Variants in ITGAD observed in about 807,000 individuals in gnomAD.
ITGAD encodes the protein integrin subunit alpha D, also known as integrin alpha-D.
In ITGAD, 105 loss-of-function variants were observed where a neutral mutation model predicts 139.0. The ratio of observed to expected loss-of-function variants is 0.76; its 90% CI spans 0.65 to 0.89. The LOEUF is 0.89. ITGAD is among the 40% of genes least tolerant of loss of function. The pLI is 0.00. For synonymous variants in ITGAD, 569 were observed against 598.3 expected, an observed-to-expected ratio of 0.95 and a Z score of 0.71; for missense variants, 1,384 against 1,487.3, an observed-to-expected ratio of 0.93 and a Z score of 1.14.
rs2081465751 is a variant in ITGAD at position 31,403,679 on chromosome 16, CT to C, written c.704+35del. 6.2e-7 allele frequency: 1 copy of C among 1,612,874 alleles called. No individual in the cohort carries two copies. Among genetic ancestry groups the C allele is most frequent in the African/African-American group, 1.3e-5 (1 of 74,916 alleles). ...CCCCGACCCCAGCCTGGCGATGTGA[CT>C]GCCACCCCCACTTCCTAACCCTGGG... On this transcript the variant is annotated intron_variant, in intron 7 of 29. Coordinates refer to ENST00000389202, the MANE Select transcript of ITGAD (RefSeq NM_005353.3). The surrounding 1 kb of genome is among the most constrained non-coding windows in gnomAD (Gnocchi z 4.4).
intron 28 of ITGAD, 25 bp from the exon 29 acceptor site, chr16:31,424,442 G>A: frequency 1.3e-5 from 21 of 1,576,640 alleles, no homozygotes; most frequent in Non-Finnish European, 1.7e-5. Context: ...GCATGAGGCC[G>A]GATGCTCTCT....
chr16:31,398,667 A>T (rs2081333330), intron 5 of ITGAD, among the ~76,000 whole-genome samples: 1 of 151,792 alleles, frequency 6.6e-6, no homozygotes, highest in African/African-American at 2.4e-5. Context: ...ATGTTTTTGT[A>T]GAGATGGGGG....
Position 31,416,235 on chromosome 16 carries a change from G to A in ITGAD, c.2306G>A (p.Gly769Glu), listed in dbSNP as rs200548207. ...TASLPFEKNC[G>E]QDGLCEGDLG... The stretch of plus-strand genomic sequence containing the variant: ...CAGCTCCCCTTCGAGAAGAACTGTG[G>A]GCAAGATGGCCTCTGTGAAGGGGAC... Residue 769 changes from glycine (G) to glutamate (E), a missense_variant, in exon 19 of 30, where the codon GGG becomes GAG. Gly to Glu is a moderately conservative substitution (Grantham distance 98, BLOSUM62 -2). Coordinates refer to ENST00000389202, the MANE Select transcript of ITGAD (RefSeq NM_005353.3). The A allele has an allele frequency of 1.1e-5, 17 of 1,606,938 alleles. No individual in the cohort carries two copies. In the Admixed American group the frequency reaches 1.8e-4, roughly 17 times the overall value.
intron 28 of ITGAD, 101 bp downstream of exon 28, chr16:31,424,304 T>C: frequency 7.0e-7 from 1 of 1,431,656 alleles, no homozygotes; most frequent in Non-Finnish European, 9.8e-7. Context: ...GGGAGGAGGG[T>C]GAAAGTCTCT....
chr16:31,420,353 A>T (rs1462055908), intron 23 of ITGAD, among the ~76,000 whole-genome samples: 1 of 151,198 alleles, frequency 6.6e-6, no homozygotes, highest in Non-Finnish European at 1.5e-5. Context: ...CATCCCATAC[A>T]CTGGGCTGAA....
intron 23 of ITGAD, among the ~76,000 whole-genome samples, chr16:31,419,023 CAAAA>C (rs34885660): frequency 2.2e-5 from 2 of 89,966 alleles, no homozygotes; most frequent in Admixed American, 1.3e-4. Flanking sequence ...GACTCTGTCT[CAAAA>C]AAAAAAAAAA....
chr16:31,398,257 T>A (rs1597107399), intron 5 of ITGAD, among the ~76,000 whole-genome samples: 1 of 148,956 alleles, frequency 6.7e-6, no homozygotes, highest in African/African-American at 2.5e-5. Context: ...CTACTAAAAA[T>A]ACAAAACAAA....
intron 2 of ITGAD, among the ~76,000 whole-genome samples, chr16:31,395,563 C>T (rs527720951): frequency 2.0e-5 from 3 of 152,244 alleles, no homozygotes; most frequent in Non-Finnish European, 2.9e-5. Flanking sequence ...AAATAAAAAA[C>T]GTCAGGACAG....
intron 6 of ITGAD, chr16:31,402,996 C>T (rs1276167747): frequency 1.3e-5 from 2 of 152,360 alleles, no homozygotes; most frequent in African/African-American, 4.8e-5. Context: ...TTGTGGTTGG[C>T]AAAGTTATTT....
intron 12 of ITGAD, 92 bp from the exon 13 acceptor site, chr16:31,410,984 A>G (rs2081686957): frequency 3.8e-6 from 6 of 1,599,190 alleles, no homozygotes; most frequent in East Asian, 2.2e-5. Context: ...GGGCCTTGGG[A>G]GAGGTCCTGG....
intron 5 of ITGAD, among the ~76,000 whole-genome samples, chr16:31,400,191 G>A (rs1234276391): frequency 2.0e-5 from 3 of 152,206 alleles, no homozygotes; most frequent in African/African-American, 4.8e-5. Context: ...GGGAGCTCCT[G>A]GGGGGATCTG....
chr16:31,398,013 C>A, intron 5 of ITGAD, 104 bp downstream of exon 5: 1 of 804,704 alleles, frequency 1.2e-6, no homozygotes, highest in Non-Finnish European at 2.0e-6. Flanking sequence ...CCTGGAGGGC[C>A]GAGTGTGGCT....
At position 31,414,624 on chromosome 16, in the gene ITGAD, G is replaced by A; in HGVS notation, c.2151+19G>A. The stretch of plus-strand genomic sequence containing the variant: ...TTTGCCAGTGAGGACTTTGGGTTCT[G>A]GGAAGGGGGAGAGAGGAGGAGCCCA... On this transcript the variant is annotated intron_variant, in intron 17 of 29. Coordinates refer to ENST00000389202, the MANE Select transcript of ITGAD (RefSeq NM_005353.3). 2 of 1,613,544 alleles carry A rather than the reference G, an allele frequency of 1.2e-6. No individual in the cohort carries two copies. The highest frequency in any genetic ancestry group is 8.5e-7 in the Non-Finnish European group (1 of 1,179,554).
rs1289580160 is a variant in ITGAD at position 31,403,267 on chromosome 16, A to G, written c.559-233A>G. The G allele has an allele frequency of 4.4e-6, 2 of 453,760 alleles. No individual in the cohort carries two copies. The highest frequency in any genetic ancestry group is 7.9e-6 in the Non-Finnish European group (2 of 253,418). The allele number at this position is 453,760 out of a possible 1,614,324, so 28.1% of individuals were successfully genotyped here. The stretch of plus-strand genomic sequence containing the variant: ...GGTGGGAGTATTGCTTGAGGCCAAG[A>G]GTTCGAGACCAGCCTGGGCAACATA... On this transcript the variant is annotated intron_variant, in intron 6 of 29. Coordinates refer to ENST00000389202, the MANE Select transcript of ITGAD (RefSeq NM_005353.3). This position sits in a 1 kb window ranked among gnomAD's most constrained non-coding sequence, Gnocchi z 4.4.
Position 31,411,169 on chromosome 16 carries a change from G to A in ITGAD, c.1450G>A (p.Glu484Lys), listed in dbSNP as rs201101132. ...LILIGAPHYYEQTRGGQVSVC... is the reference protein window; with the variant it reads ...LILIGAPHYYKQTRGGQVSVC... ...CCTCATTGGGGCCCCCCATTACTATGAGCAGACCCGAGGGGGCCAGGTGTC... is the reference window on the plus strand; with the variant it reads ...CCTCATTGGGGCCCCCCATTACTATAAGCAGACCCGAGGGGGCCAGGTGTC... The change falls in exon 13 of 30, where the codon GAG becomes AAG. Residue 484 changes from glutamate to lysine, a missense_variant. Coordinates refer to ENST00000389202, the MANE Select transcript of ITGAD (RefSeq NM_005353.3). The A allele has an allele frequency of 1.9e-6, 3 of 1,613,996 alleles. No individual in the cohort carries two copies. Among genetic ancestry groups the A allele is most frequent in the Non-Finnish European group, 1.7e-6 (2 of 1,179,940 alleles).
In ITGAD at chr16:31,410,596, G is replaced by T. The variant is rs1030291588; in HGVS notation, c.1213+72G>T. ...AGGGTGGGGTCCAGGGTTCTGGGGA[G>T]GGGGGATGGGCGCTGTGCTGCCTGG... On this transcript the variant is annotated intron_variant, in intron 11 of 29. Coordinates refer to ENST00000389202, the MANE Select transcript of ITGAD (RefSeq NM_005353.3). The T allele has an allele frequency of 5.0e-6, 8 of 1,601,192 alleles. No individual in the cohort carries two copies. In the African/African-American group the frequency reaches 1.1e-4, roughly 22 times the overall value.
intron 5 of ITGAD, 53 bp downstream of exon 5, chr16:31,397,962 G>A: frequency 7.5e-7 from 1 of 1,331,974 alleles, no homozygotes; most frequent in African/African-American, 1.4e-5. Context: ...GGCACTGAGG[G>A]TGAGCAGGCG....
At position 31,403,326 on chromosome 16, in the gene ITGAD, A is replaced by G. The variant is rs983177721; in HGVS notation, c.559-174A>G. 58 of 721,620 alleles carry G rather than the reference A, an allele frequency of 8.0e-5. No homozygotes were observed. Among genetic ancestry groups the G allele is most frequent in the Admixed American group, 8.3e-5 (3 of 36,098 alleles). The allele number at this position is 721,620 out of a possible 1,614,324, so 44.7% of individuals were successfully genotyped here. On this transcript the variant is annotated intron_variant, in intron 6 of 29. Transcript: ENST00000389202. The surrounding 1 kb of genome is among the most constrained non-coding windows in gnomAD (Gnocchi z 4.4). Reference sequence around the variant, plus strand: ...TTGTCTCTACCAAAAACAAAACAAAACAAAAAACAAAGCCAGGCATGTGAC... The same window carrying G: ...TTGTCTCTACCAAAAACAAAACAAAGCAAAAAACAAAGCCAGGCATGTGAC...
chr16:31,413,559 A>G (rs1021249021), intron 16 of ITGAD, among the ~76,000 whole-genome samples: 1 of 151,516 alleles, frequency 6.6e-6, no homozygotes, highest in Non-Finnish European at 1.5e-5. Context: ...GCACCCTCCC[A>G]CCCATTTTCC....
Sources: gnomAD v4.1 joint callset for allele counts (sites outside exome capture counted in the v4.1 genomes callset) on GRCh38, gnomAD v4.1.1 for gene constraint, Gnocchi (gnomAD v3.1) non-coding constraint, MANE v1.5 for transcripts, NCBI Gene and HGNC (gene_info 2026-07-23, HGNC 2026-07-21) for gene names.